CCDC62: variants seen among roughly 807,000 people sequenced by gnomAD.
The protein encoded by CCDC62 is coiled-coil domain containing 62, also known as coiled-coil domain-containing protein 62.
A neutral mutation model predicts 80.8 loss-of-function variants in CCDC62; 72 were observed. The ratio of observed to expected loss-of-function variants is 0.89; its 90% CI spans 0.74 to 1.08. CCDC62 has a LOEUF of 1.08. Among genes scored for constraint, CCDC62 ranks in the 50% least tolerant of loss-of-function variants. The pLI, the probability that CCDC62 is intolerant of heterozygous loss-of-function variation, is 0.00. For missense variants in CCDC62, 704 were observed against 809.4 expected, an observed-to-expected ratio of 0.87 and a Z score of 1.58; for synonymous variants, 286 against 296.5, an observed-to-expected ratio of 0.96 and a Z score of 0.36.
intron 10 of CCDC62, among the ~76,000 whole-genome samples, chr12:122,812,831 A>AAAGAAAC (rs1566086864): frequency 1.4e-5 from 2 of 139,038 alleles, no homozygotes; most frequent in South Asian, 4.8e-4. Context: ...AAGAAAGAAA[A>AAAGAAAC]GGAATGAATT....
At chr12:122,798,045 G>T (rs1224861774) in intron 7 of CCDC62, 40 bp from the exon 8 acceptor site, 11 of 1,021,950 alleles carry the variant, frequency 1.1e-5, no homozygotes, top group Non-Finnish European at 1.7e-5. Flanking sequence ...GTTTAGTTTT[G>T]TTATTACATT....
At chr12:122,823,943 A>G (rs1469627345) in intron 12 of CCDC62, among the ~76,000 whole-genome samples, 2 of 151,930 alleles carry the variant, frequency 1.3e-5, no homozygotes, top group African/African-American at 4.8e-5. Flanking sequence ...CCAAGATGGC[A>G]CCACTGCACT....
At chr12:122,788,052 G>C (rs1200935500) in intron 4 of CCDC62, among the ~76,000 whole-genome samples, 1 of 152,148 alleles carries the variant, frequency 6.6e-6, no homozygotes, top group African/African-American at 2.4e-5. Context: ...CAGACAATGT[G>C]ATTTTTCAGG....
At chr12:122,822,613 G>A (rs1343647116) in intron 11 of CCDC62, among the ~76,000 whole-genome samples, 1 of 111,432 alleles carries the variant, frequency 9.0e-6, no homozygotes, top group Non-Finnish European at 1.7e-5. Flanking sequence ...TCGGTCTGTC[G>A]CCCAGGCTGG....
In CCDC62 at chr12:122,798,128, A is replaced by G. The variant is rs779139526; in HGVS notation, c.905A>G (p.Asn302Ser). 17 of 1,592,298 alleles carry G rather than the reference A, an allele frequency of 1.1e-5. No individual in the cohort carries two copies. The highest frequency in any genetic ancestry group is 1.7e-4 in the Middle Eastern group (1 of 6,044). Residue 302 changes from asparagine to serine, a missense_variant, in exon 8 of 13, where the codon AAT becomes AGT. Asn to Ser is a conservative substitution (Grantham distance 46). Coordinates refer to ENST00000253079, the MANE Select transcript of CCDC62 (RefSeq NM_201435.5). ...QQSDLQFLNF[N>S]VENSQELIQM... Reference sequence around the variant, plus strand: ...AGTGATCTGCAGTTTCTTAATTTCAATGTGGAAAATTCTCAGGAATTAATA... The same window carrying G: ...AGTGATCTGCAGTTTCTTAATTTCAGTGTGGAAAATTCTCAGGAATTAATA...
chr12:122,802,219 A>T (rs2031356087), intron 9 of CCDC62, among the ~76,000 whole-genome samples: 3 of 152,218 alleles, frequency 2.0e-5, no homozygotes, highest in Middle Eastern at 3.4e-3. Context: ...CCCAGAAGCC[A>T]TTCTGAACTG....
intron 5 of CCDC62, among the ~76,000 whole-genome samples, chr12:122,791,638 G>C (rs1405595849): frequency 6.6e-6 from 1 of 151,998 alleles, no homozygotes; most frequent in Non-Finnish European, 1.5e-5. Flanking sequence ...TAGTAGAGAC[G>C]GGGTTTCACC....
intron 8 of CCDC62, 113 bp from the exon 9 acceptor site, chr12:122,801,011 C>A (rs2135558947): frequency 8.6e-7 from 1 of 1,157,746 alleles, no homozygotes; most frequent in East Asian, 2.4e-5. Context: ...CTCTGAGGTT[C>A]AGACAAACGA....
At chr12:122,802,999 C>T (rs2031395521) in intron 9 of CCDC62, among the ~76,000 whole-genome samples, 2 of 152,268 alleles carry the variant, frequency 1.3e-5, no homozygotes, top group Non-Finnish European at 1.5e-5. Flanking sequence ...CACTGCACTC[C>T]AGCCTGGGCA....
In CCDC62 at chr12:122,782,040, A is replaced by G. The variant is rs534880727; in HGVS notation, c.396+710A>G. On this transcript the variant is annotated intron_variant, in intron 3 of 12. Coordinates refer to ENST00000253079, the MANE Select transcript of CCDC62 (RefSeq NM_201435.5). The stretch of plus-strand genomic sequence containing the variant: ...GCCTGGGTGACAAAAAAAAAAAAAA[A>G]AAAGCGTATGTAAGCCAAGCACAGT... Among the ~76,000 whole-genome samples the G allele has an allele frequency of 1.7e-3, 254 of 151,820 alleles. 1 individual carries two copies. The highest frequency in any genetic ancestry group is 3.2e-3 in the Non-Finnish European group (216 of 67,944).
rs1384181624 is a variant in CCDC62, at chr12:122,801,713, A to G, written c.1567A>G (p.Ile523Val). The G allele has an allele frequency of 6.2e-7, 1 of 1,614,084 alleles. No individual in the cohort carries two copies. Among genetic ancestry groups the G allele is most frequent in the African/African-American group, 1.3e-5 (1 of 74,928 alleles). The change falls in exon 9 of 13, where the codon ATT becomes GTT. Residue 523 changes from isoleucine (I) to valine (V), a missense_variant. Transcript: ENST00000253079. ...GTGCTGCCACCCGAGTAACTTCATA[A>G]TTGAAGCCCCAGGCCACATGTCTGA... The part of the protein sequence containing the change: ...SKCCHPSNFI[I>V]EAPGHMSDVE...
At chr12:122,806,404 GTTTTT>G (rs34775544) in intron 10 of CCDC62, 109 bp downstream of exon 10, 588 of 436,636 alleles carry the variant, frequency 1.3e-3, no homozygotes, top group Non-Finnish European at 1.6e-3. Flanking sequence ...CTATTCCTCC[GTTTTT>G]TTTTTTTTTT....
chr12:122,817,042 T>TTTTATTTATTTATTTATTTA (rs371995378), intron 11 of CCDC62, among the ~76,000 whole-genome samples: 3,205 of 150,284 alleles, frequency 0.021, 137 homozygotes, highest in African/African-American at 0.074. Flanking sequence ...TATTTTTAAA[T>TTTTATTTATTTATTTATTTA]TTTATTTATT....
At chr12:122,795,989 T>A (rs889902633) in intron 6 of CCDC62, among the ~76,000 whole-genome samples, 2 of 152,304 alleles carry the variant, frequency 1.3e-5, no homozygotes, top group South Asian at 4.1e-4. Flanking sequence ...CTGTTTTCTG[T>A]GGCCAACTTG....
chr12:122,779,548 G>A (rs189450130), intron 2 of CCDC62, among the ~76,000 whole-genome samples: 14 of 152,280 alleles, frequency 9.2e-5, no homozygotes, highest in Admixed American at 7.2e-4. Context: ...CACTGCCGCT[G>A]CTGGTCCAGG....
intron 12 of CCDC62, 78 bp from the exon 13 acceptor site, chr12:122,826,344 G>A (rs781556277): frequency 1.9e-5 from 14 of 733,870 alleles, no homozygotes; most frequent in African/African-American, 1.8e-4. Context: ...TATTTTAGAC[G>A]CCAGGAGCTT....
chr12:122,811,093 A>G (rs1357451335), intron 10 of CCDC62, among the ~76,000 whole-genome samples: 1 of 152,056 alleles, frequency 6.6e-6, no homozygotes, highest in African/African-American at 2.4e-5. Flanking sequence ...TGGGTGCAGC[A>G]CACCAACATG....
intron 10 of CCDC62, 69 bp from the exon 11 acceptor site, chr12:122,813,201 T>C: frequency 6.9e-7 from 1 of 1,446,600 alleles, no homozygotes; most frequent in Non-Finnish European, 9.3e-7. Context: ...AAGAAAACAA[T>C]ATTCCTAGGT....
chr12:122,812,335 G>C (rs375815850), intron 10 of CCDC62, among the ~76,000 whole-genome samples: 2 of 151,566 alleles, frequency 1.3e-5, no homozygotes, highest in Non-Finnish European at 2.9e-5. Flanking sequence ...GCATCTACTC[G>C]GGAGGCTGAG....
Sources: gnomAD v4.1 joint callset for allele counts (sites outside exome capture counted in the v4.1 genomes callset) on GRCh38, gnomAD v4.1.1 for gene constraint, MANE v1.5 for transcripts, NCBI Gene and HGNC (gene_info 2026-07-23, HGNC 2026-07-21) for gene names.